Variants in CERS1 observed in about 807,000 individuals in gnomAD.
CERS1 encodes the protein Embryonic growth/differentiation factor 1.
CERS1 carries 16 observed loss-of-function variants against 35.7 expected under a neutral mutation model. The observed-to-expected ratio is 0.45, with a 90% CI of 0.30 to 0.68. CERS1 has a LOEUF of 0.68. Ranked by LOEUF, CERS1 falls within the 30% of genes least tolerant of loss-of-function variation. The pLI, the probability that CERS1 is intolerant of heterozygous loss-of-function variation, is 0.08. For synonymous variants in CERS1, 243 were observed against 201.6 expected (o/e 1.21, Z -1.74); for missense variants, 454 against 453.9 (o/e 1.00, Z 0.00).
At chr19:18,885,905 A>G (rs969945558) in intron 2 of CERS1, among the ~76,000 whole-genome samples, 1 of 151,986 alleles carries the variant, frequency 6.6e-6, no homozygotes, top group Non-Finnish European at 1.5e-5. Context: ...GCGGCTGCCC[A>G]CGGAGTCTTG....
chr19:18,889,794 TC>T (rs2056448721), intron 2 of CERS1, among the ~76,000 whole-genome samples: 2 of 151,854 alleles, frequency 1.3e-5, no homozygotes. Context: ...CCCTGCCTTG[TC>T]TCCATCCCTG....
At chr19:18,884,359 C>A in intron 2 of CERS1, 92 bp from the exon 3 acceptor site, 1 of 1,167,480 alleles carries the variant, frequency 8.6e-7, no homozygotes, top group Non-Finnish European at 1.2e-6. Context: ...CCACACGTGT[C>A]CTCCCAGTAC....
In CERS1 at chr19:18,877,869, C is replaced by A. The variant is rs191836897; in HGVS notation, c.1010+1061G>T. 7.6e-4 allele frequency: 524 copies of A among 688,958 alleles called. No individual in the cohort carries two copies. In the Middle Eastern group the frequency reaches 0.011, roughly 14 times the overall value. The allele number at this position is 688,958 out of a possible 1,614,324, so 42.7% of individuals were successfully genotyped here. On this transcript the variant is annotated intron_variant, in intron 6 of 7. Coordinates refer to ENST00000623882, the MANE Select transcript of CERS1 (RefSeq NM_021267.5). Reference sequence around the variant, plus strand: ...CTGCCAGAACCCATGTGACCCTCTGCCCCAATCCCATCTCAGTCAATACCA... The same window carrying A: ...CTGCCAGAACCCATGTGACCCTCTGACCCAATCCCATCTCAGTCAATACCA...
At chr19:18,892,974 T>G (rs543994236) in intron 2 of CERS1, among the ~76,000 whole-genome samples, 8 of 152,072 alleles carry the variant, frequency 5.3e-5, no homozygotes, top group Non-Finnish European at 8.8e-5. Context: ...TGGAGTGCAG[T>G]GGCGCGAACT....
chr19:18,876,536 T>TGTGTG (rs1555703706), intron 6 of CERS1, among the ~76,000 whole-genome samples: 1 of 143,184 alleles, frequency 7.0e-6, no homozygotes, highest in African/African-American at 2.6e-5. Context: ...TTTGATTGGG[T>TGTGTG]TGTGTGTGTG....
Position 18,885,523 on chromosome 19 carries a change from T to G in CERS1, c.410-1256A>C, listed in dbSNP as rs12608781. On this transcript the variant is annotated intron_variant, in intron 2 of 7. Transcript: ENST00000623882. The stretch of plus-strand genomic sequence containing the variant: ...AGCGCCCCTTCTCGTTTTTTTTTTT[T>G]TTTTTTTTTTTTTTGAGATGGAGTC... 1.1e-3 allele frequency among the ~76,000 whole-genome samples: 83 copies of G among 72,486 alleles called. 1 individual carries two copies. The highest frequency in any genetic ancestry group is 0.013 in the Middle Eastern group (1 of 80). The allele number at this position is 72,486 out of a possible 152,430, so 47.6% of individuals were successfully genotyped here. A position where few individuals can be genotyped will look rare whatever the true frequency, so the allele number is the denominator to read the frequency against.
intron 6 of CERS1, among the ~76,000 whole-genome samples, chr19:18,873,453 T>C (rs1011843798): frequency 3.3e-5 from 5 of 151,800 alleles, no homozygotes; most frequent in African/African-American, 4.8e-5. Context: ...TCCCAGCACT[T>C]TGGGAGGCTG....
chr19:18,890,982 A>G (rs1439340520), intron 2 of CERS1, among the ~76,000 whole-genome samples: 7 of 151,642 alleles, frequency 4.6e-5, no homozygotes, highest in Non-Finnish European at 1.0e-4. Context: ...AAATTAGCCG[A>G]GGGTGGTGGC....
At chr19:18,889,487 G>C (rs1485151245) in intron 2 of CERS1, among the ~76,000 whole-genome samples, 1 of 152,110 alleles carries the variant, frequency 6.6e-6, no homozygotes, top group African/African-American at 2.4e-5. Context: ...TGCAATCTTG[G>C]CTCACTGCAG....
rs868217762 is a variant in CERS1 at position 18,896,091 on chromosome 19, G to T, written c.-19C>A. On this transcript the variant is annotated 5_prime_UTR_variant, in exon 1 of 8. Coordinates refer to ENST00000623882, the MANE Select transcript of CERS1 (RefSeq NM_021267.5). This position sits in a 1 kb window ranked among gnomAD's most constrained non-coding sequence, Gnocchi z 5.9. ...CCGCCATACCGCCCGCTCGCCCGCC[G>T]TGCCCGTCGCCTGCGCCCGCCCGCG... is the stretch of plus-strand genomic sequence containing the variant. The T allele has an allele frequency of 7.9e-4, 732 of 928,422 alleles. 5 individuals are homozygous for T. The Middle Eastern group carries it at 0.02, about 26-fold the overall frequency. The allele number at this position is 928,422 out of a possible 1,614,324, so 57.5% of individuals were successfully genotyped here.
At position 18,878,982 on chromosome 19, in the gene CERS1, G is replaced by A. The variant is rs1260273077; in HGVS notation, c.958C>T (p.Leu320=). ...GCCTCGGCTGTGTCATACTCCCGCA[G>A]GTCCTTCAGCTCGTGCACCTGGCCT... ...LTGQVHELKD[L]REYDTAEAQS... The change falls in exon 6 of 8, where the codon CTG becomes TTG. Residue 320 remains leucine, a synonymous_variant. Coordinates refer to ENST00000623882, the MANE Select transcript of CERS1 (RefSeq NM_021267.5). This position sits in a 1 kb window ranked among gnomAD's most constrained non-coding sequence, Gnocchi z 4.6. 6.2e-7 allele frequency: 1 copy of A among 1,613,836 alleles called. No homozygotes were observed. Among genetic ancestry groups the A allele is most frequent in the Non-Finnish European group, 8.5e-7 (1 of 1,179,846 alleles).
At chr19:18,894,256 T>G (rs1024577846) in intron 1 of CERS1, among the ~76,000 whole-genome samples, 65 of 8,504 alleles carry the variant, frequency 7.6e-3, no homozygotes, top group African/African-American at 0.026. Flanking sequence ...GGTGGGTGGG[T>G]GGGTGGCGGG....
At chr19:18,880,888 T>G (rs1310694380) in intron 3 of CERS1, among the ~76,000 whole-genome samples, 1 of 152,046 alleles carries the variant, frequency 6.6e-6, no homozygotes, top group Admixed American at 6.6e-5. Context: ...TAGTAGAGAC[T>G]GGGTCTTGCT....
At chr19:18,874,776 C>CA (rs2056032594) in intron 6 of CERS1, among the ~76,000 whole-genome samples, 1 of 152,170 alleles carries the variant, frequency 6.6e-6, no homozygotes, top group Admixed American at 6.5e-5. Context: ...GGAAGGGGTA[C>CA]AGATGAGGGG....
chr19:18,878,130 C>T lies in CERS1; in HGVS notation c.1010+800G>A. The T allele has an allele frequency of 3.0e-6, 3 of 985,510 alleles. No homozygotes were observed. Among genetic ancestry groups the T allele is most frequent in the Non-Finnish European group, 3.6e-6 (3 of 830,008 alleles). The allele number at this position is 985,510 out of a possible 1,614,324, so 61.0% of individuals were successfully genotyped here. On this transcript the variant is annotated intron_variant, in intron 6 of 7. Coordinates refer to ENST00000623882, the MANE Select transcript of CERS1 (RefSeq NM_021267.5). The surrounding 1 kb of genome is among the most constrained non-coding windows in gnomAD (Gnocchi z 4.6). ...CCATCGTTCCCACGTCACCGATGGC[C>T]CCCACCGGCCAAATCAGAGGGCCTG...
intron 2 of CERS1, among the ~76,000 whole-genome samples, chr19:18,885,804 C>A (rs1314673034): frequency 6.6e-6 from 1 of 152,074 alleles, no homozygotes; most frequent in East Asian, 1.9e-4. Flanking sequence ...CGGGCGTGAG[C>A]CGCTGCGCCC....
chr19:18,869,388 C>T lies in CERS1; in HGVS notation c.*597G>A. On this transcript the variant is annotated splice_region_variant and 3_prime_UTR_variant, in exon 8 of 8. Transcript: ENST00000623882. ...GCAGGCTCCGAGGCCCGGGTGGGCG[C>T]ACCTGGGGAGGTAGGAACAGGAACT... 6 of 1,528,618 alleles carry T rather than the reference C, an allele frequency of 3.9e-6. No individual in the cohort carries two copies. The highest frequency in any genetic ancestry group is 4.4e-6 in the Non-Finnish European group (5 of 1,144,388). 94.7% of individuals were successfully genotyped at this position (1,528,618 alleles called of 1,614,324 possible). A position where few individuals can be genotyped will look rare whatever the true frequency, so the allele number is the denominator to read the frequency against.
intron 2 of CERS1, among the ~76,000 whole-genome samples, chr19:18,890,117 G>A (rs1162427285): frequency 6.6e-6 from 1 of 152,180 alleles, no homozygotes; most frequent in Non-Finnish European, 1.5e-5. Context: ...TGGCCTCCGA[G>A]GCCTGGATGG....
intron 2 of CERS1, among the ~76,000 whole-genome samples, chr19:18,884,709 CTTTT>C (rs36074874): frequency 2.9e-5 from 2 of 69,128 alleles, no homozygotes; most frequent in South Asian, 1.3e-3. Flanking sequence ...GCCCAGCCGT[CTTTT>C]TTTTTTTTTT....
Sources: allele counts gnomAD v4.1 joint callset (sites outside exome capture counted in the v4.1 genomes callset), GRCh38; gene constraint gnomAD v4.1.1; non-coding constraint Gnocchi (gnomAD v3.1); transcripts MANE v1.5; gene names NCBI Gene and HGNC (gene_info 2026-07-23, HGNC 2026-07-21).